The following CACNA2D3 variants were observed in gnomAD, a reference collection of about 807,000 sequenced individuals.
CACNA2D3 encodes calcium voltage-gated channel auxiliary subunit alpha2delta 3.
CACNA2D3 carries 60 observed loss-of-function variants against 160.6 expected under a neutral mutation model. The ratio of observed to expected loss-of-function variants is 0.37; its 90% CI spans 0.30 to 0.46. The LOEUF (loss-of-function observed/expected upper bound fraction) is 0.46, where lower values mean the gene tolerates loss of function less well. Ranked by LOEUF, CACNA2D3 falls within the 20% of genes least tolerant of loss-of-function variation. The pLI, the probability that CACNA2D3 is intolerant of heterozygous loss-of-function variation, is 1.00. For synonymous variants in CACNA2D3, 558 were observed against 492.9 expected, an observed-to-expected ratio of 1.13 and a Z score of -1.75; for missense variants, 1,205 against 1,365.0, an observed-to-expected ratio of 0.88 and a Z score of 1.85.
intron 2 of CACNA2D3, among the ~76,000 whole-genome samples, chr3:54,224,798 G>T (rs1701640606): frequency 6.6e-6 from 1 of 151,200 alleles, no homozygotes; most frequent in Admixed American, 6.6e-5. Flanking sequence ...TTACCTTTTT[G>T]GTTGCTCTTT....
At chr3:54,367,194 T>C (rs1002220672) in intron 3 of CACNA2D3, among the ~76,000 whole-genome samples, 2 of 151,920 alleles carry the variant, frequency 1.3e-5, no homozygotes, top group Non-Finnish European at 2.9e-5. Context: ...TCTTAGAGAT[T>C]TTTTTTTAAA....
At chr3:54,439,591 C>G (rs1700112041) in intron 4 of CACNA2D3, among the ~76,000 whole-genome samples, 3 of 152,084 alleles carry the variant, frequency 2.0e-5, no homozygotes, top group African/African-American at 4.8e-5. Flanking sequence ...GGGTTTGAGT[C>G]CCACTCCCAG....
At chr3:54,604,032 T>G (rs1196990858) in intron 9 of CACNA2D3, among the ~76,000 whole-genome samples, 2 of 152,186 alleles carry the variant, frequency 1.3e-5, no homozygotes, top group Admixed American at 6.5e-5. Context: ...TCTAGGGTCT[T>G]TTATTTTTTA....
intron 2 of CACNA2D3, among the ~76,000 whole-genome samples, chr3:54,281,427 C>A (rs895119273): frequency 2.0e-5 from 3 of 152,106 alleles, no homozygotes; most frequent in Non-Finnish European, 4.4e-5. Context: ...GCCTGGTGAA[C>A]CCTCCCGGTG....
At chr3:54,189,257 A>G (rs930931412) in intron 2 of CACNA2D3, among the ~76,000 whole-genome samples, 9 of 152,168 alleles carry the variant, frequency 5.9e-5, no homozygotes, top group African/African-American at 2.2e-4. Flanking sequence ...TTGGATAGTC[A>G]TAGCTGAAAG....
At chr3:54,440,702 G>A (rs1700130709) in intron 4 of CACNA2D3, among the ~76,000 whole-genome samples, 1 of 151,942 alleles carries the variant, frequency 6.6e-6, no homozygotes, top group African/African-American at 2.4e-5. Context: ...TGTTCTCATT[G>A]TTCAATTCCC....
chr3:54,631,353 G>A (rs941111272), intron 10 of CACNA2D3, among the ~76,000 whole-genome samples: 1 of 152,122 alleles, frequency 6.6e-6, no homozygotes, highest in African/African-American at 2.4e-5. Flanking sequence ...TTGCCAGTGA[G>A]CTTTTAAATA....
At chr3:55,012,092 G>A (rs1167002571) in intron 34 of CACNA2D3, among the ~76,000 whole-genome samples, 2 of 152,190 alleles carry the variant, frequency 1.3e-5, no homozygotes, top group African/African-American at 4.8e-5. Context: ...GAACCTAGTG[G>A]TTAGGCACCC....
Position 54,838,569 on chromosome 3 carries a change from G to T in CACNA2D3, c.1472G>T (p.Arg491Ile). ...MPVFSKQNET[R>I]SKGILLGVVG... ...TAATTCAATGTTTATTTTCGACAGA[G>T]ATCGAAGGGCATTCTTCTGGGAGTG... Residue 491 changes from arginine to isoleucine, a missense_variant and splice_region_variant, in exon 16 of 38, where the codon AGA (arginine) becomes ATA (isoleucine). Physicochemically the swap from Arg to Ile is moderately conservative, Grantham distance 97. This residue lies in a region of CACNA2D3 where 911 missense variants were observed against 1,002.2 expected (regional missense o/e 0.91). Coordinates refer to ENST00000474759, the MANE Select transcript of CACNA2D3 (RefSeq NM_018398.3). 2 of 1,611,516 alleles carry T rather than the reference G, an allele frequency of 1.2e-6. No individual in the cohort carries two copies. The highest frequency in any genetic ancestry group is 1.7e-6 in the Non-Finnish European group (2 of 1,177,612).
intron 25 of CACNA2D3, 80 bp from the exon 26 acceptor site, chr3:54,896,669 A>G (rs1237710306): frequency 6.4e-7 from 1 of 1,571,750 alleles, no homozygotes; most frequent in Non-Finnish European, 8.7e-7. Flanking sequence ...GTTTTACCTG[A>G]TGAAGGCTGT....
chr3:54,485,010 C>CTAATTTTTG (rs1700993973), intron 4 of CACNA2D3, among the ~76,000 whole-genome samples: 1 of 152,076 alleles, frequency 6.6e-6, no homozygotes, highest in South Asian at 2.1e-4. Flanking sequence ...CTACGCCTAG[C>CTAATTTTTG]TAATTTTTGT....
At chr3:54,240,864 T>C (rs10222568) in intron 2 of CACNA2D3, among the ~76,000 whole-genome samples, 99,825 of 151,788 alleles carry the variant, frequency 0.66, 33,159 homozygotes, top group African/African-American at 0.72. Context: ...GTCTCAGCCT[T>C]CCGAGTAGCT....
At position 54,251,886 on chromosome 3, in the gene CACNA2D3, A is replaced by T. The variant is rs571008997; in HGVS notation, c.205-68556A>T. 7.9e-4 allele frequency among the ~76,000 whole-genome samples: 120 copies of T among 152,324 alleles called. 1 individual carries two copies. The Middle Eastern group carries it at 0.01, about 13-fold the overall frequency. On this transcript the variant is annotated intron_variant, in intron 2 of 37. Transcript: ENST00000474759. ...TTATAAGACAGAACAATAGTGTGAA[A>T]CTTGAAGACCTGCTGGGTTATAGCG...
intron 17 of CACNA2D3, among the ~76,000 whole-genome samples, chr3:54,863,456 G>A (rs9866252): frequency 0.36 from 55,286 of 151,948 alleles, 10,628 homozygotes; most frequent in Admixed American, 0.52. Context: ...TTGCCGGCAC[G>A]AAAGGTTCCT....
intron 11 of CACNA2D3, among the ~76,000 whole-genome samples, chr3:54,672,951 A>G (rs1329660913): frequency 1.3e-5 from 2 of 152,262 alleles, no homozygotes; most frequent in Admixed American, 6.5e-5. Flanking sequence ...CCCAGAGTCC[A>G]AACACGTGGA....
intron 2 of CACNA2D3, among the ~76,000 whole-genome samples, chr3:54,312,808 C>G (rs892305606): frequency 1.1e-4 from 16 of 152,144 alleles, no homozygotes; most frequent in Middle Eastern, 3.2e-3. Flanking sequence ...GCCTTTCTTC[C>G]ATGTCACAAA....
intron 10 of CACNA2D3, among the ~76,000 whole-genome samples, chr3:54,636,258 G>A (rs1039205652): frequency 6.6e-6 from 1 of 151,986 alleles, no homozygotes; most frequent in African/African-American, 2.4e-5. Context: ...GCGTGATCAG[G>A]GTGAGGAACA....
intron 9 of CACNA2D3, among the ~76,000 whole-genome samples, chr3:54,625,480 C>T (rs1046967314): frequency 2.6e-5 from 4 of 152,110 alleles, no homozygotes; most frequent in Non-Finnish European, 5.9e-5. Flanking sequence ...CATGAAGACT[C>T]AGTTGCACTG....
At chr3:54,323,347 G>A (rs1704048876) in intron 3 of CACNA2D3, among the ~76,000 whole-genome samples, 1 of 152,128 alleles carries the variant, frequency 6.6e-6, no homozygotes. Context: ...GTCATTATTT[G>A]TAGCCTTGCA....
Sources: gnomAD v4.1 joint callset for allele counts (sites outside exome capture counted in the v4.1 genomes callset) on GRCh38, gnomAD v4.1.1 for gene constraint, gnomAD v4.1.1 regional missense constraint, MANE v1.5 for transcripts, NCBI Gene and HGNC (gene_info 2026-07-23, HGNC 2026-07-21) for gene names.